EFR3B: variants seen among roughly 807,000 people sequenced by gnomAD.
The protein encoded by EFR3B is protein EFR3 homolog B.
A neutral mutation model predicts 104.7 loss-of-function variants in EFR3B; 64 were observed. The ratio of observed to expected loss-of-function variants is 0.61; its 90% CI spans 0.50 to 0.75. EFR3B has a LOEUF of 0.75. Among genes scored for constraint, EFR3B ranks in the 30% least tolerant of loss-of-function variants. The probability of loss-of-function intolerance (pLI) is 0.00; values close to 1 mark genes in which losing one functional copy is unlikely to be tolerated. For synonymous variants in EFR3B, 385 were observed against 417.9 expected, an observed-to-expected ratio of 0.92 and a Z score of 0.96; for missense variants, 750 against 1,078.5, an observed-to-expected ratio of 0.70 and a Z score of 4.27.
rs1161682604 is a variant in EFR3B, at chr2:25,151,755, C to G, written c.2192-159C>G. Among the ~76,000 whole-genome samples the G allele has an allele frequency of 3.3e-5, 5 of 152,202 alleles. No homozygotes were observed. The East Asian group carries it at 9.6e-4, about 29-fold the overall frequency. ...AGAATCAGGAAGAGGTCCCACCTTC[C>G]AGGGCCAAGTGAGGGCACCGCACCT... On this transcript the variant is annotated intron_variant, in intron 20 of 22. Transcript: ENST00000403714.
chr2:25,049,008 G>C (rs571099608), intron 1 of EFR3B, among the ~76,000 whole-genome samples: 88 of 152,142 alleles, frequency 5.8e-4, no homozygotes, highest in Non-Finnish European at 9.3e-4. Flanking sequence ...TCCTACTAGC[G>C]GAATTTTTCC....
chr2:25,072,379 C>A (rs534292961), intron 1 of EFR3B, among the ~76,000 whole-genome samples: 1 of 152,286 alleles, frequency 6.6e-6, no homozygotes, highest in South Asian at 2.1e-4. Context: ...CTCCCAGGTT[C>A]AAGTGATCCT....
chr2:25,131,609 C>A lies in EFR3B; in HGVS notation c.985+106C>A. 1 of 1,503,362 alleles carries A rather than the reference C, an allele frequency of 6.7e-7. No individual in the cohort carries two copies. Among genetic ancestry groups the A allele is most frequent in the Non-Finnish European group, 8.9e-7 (1 of 1,120,416 alleles). 93.1% of individuals were successfully genotyped at this position (1,503,362 alleles called of 1,614,324 possible). A position where few individuals can be genotyped will look rare whatever the true frequency, so the allele number is the denominator to read the frequency against. ...GGGAGGGGTCGGAGTCCGTTTTCCTCGGGAGAAGTCCGCCAGGAAGTTGGG... is the reference window on the plus strand; with the variant it reads ...GGGAGGGGTCGGAGTCCGTTTTCCTAGGGAGAAGTCCGCCAGGAAGTTGGG... On this transcript the variant is annotated intron_variant, in intron 9 of 22. Transcript: ENST00000403714. The surrounding 1 kb of genome is among the most constrained non-coding windows in gnomAD (Gnocchi z 7.6).
intron 5 of EFR3B, among the ~76,000 whole-genome samples, chr2:25,122,676 G>A (rs1670048277): frequency 6.6e-6 from 1 of 152,026 alleles, no homozygotes; most frequent in South Asian, 2.1e-4. Flanking sequence ...TCAAACCTTT[G>A]CTCAAATGTC....
chr2:25,128,409 G>C (rs1326222591), intron 6 of EFR3B, 77 bp downstream of exon 6: 4 of 1,529,532 alleles, frequency 2.6e-6, no homozygotes, highest in Admixed American at 2.0e-5. Flanking sequence ...CATGGTTTGG[G>C]TTGGTCAGTA....
At chr2:25,124,259 A>G (rs1670099467) in intron 5 of EFR3B, among the ~76,000 whole-genome samples, 1 of 144,248 alleles carries the variant, frequency 6.9e-6, no homozygotes, top group Non-Finnish European at 1.5e-5. Flanking sequence ...TGGGTCCAGC[A>G]GTGGGCCTGT....
Position 25,139,184 on chromosome 2 carries a change from C to A in EFR3B, c.1848C>A (p.Ile616=). The change falls in exon 16 of 23, where the codon ATC becomes ATA. Residue 616 remains isoleucine (I), a synonymous_variant. Coordinates refer to ENST00000403714, the MANE Select transcript of EFR3B (RefSeq NM_014971.2). ...CAGTGCCTGCCTTCTGCCAGCACATCCATGAGGTTGGTGTTCTCACGACCA... is the reference window on the plus strand; with the variant it reads ...CAGTGCCTGCCTTCTGCCAGCACATACATGAGGTTGGTGTTCTCACGACCA... ...LTTVPAFCQH[I]HEVIETRKKE... 1 of 1,551,210 alleles carries A rather than the reference C, an allele frequency of 6.4e-7. No homozygotes were observed. Among genetic ancestry groups the A allele is most frequent in the Non-Finnish European group, 8.7e-7 (1 of 1,146,868 alleles).
At position 25,129,829 on chromosome 2, in the gene EFR3B, AGCT is replaced by A. The variant is rs1000272034; in HGVS notation, c.636-144_636-142del. ...TCTTTACCCCCATTTAATTTCTGAC[AGCT>A]GTGACGCCTCCCCTATTGCCTAGTG... On this transcript the variant is annotated intron_variant, in intron 6 of 22. Transcript: ENST00000403714. The A allele has an allele frequency of 1.6e-5, 17 of 1,038,836 alleles. No individual in the cohort carries two copies. In the African/African-American group the frequency reaches 2.4e-4, roughly 15 times the overall value. The allele number at this position is 1,038,836 out of a possible 1,614,324, so 64.4% of individuals were successfully genotyped here. A position where few individuals can be genotyped will look rare whatever the true frequency, so the allele number is the denominator to read the frequency against.
intron 1 of EFR3B, among the ~76,000 whole-genome samples, chr2:25,088,862 A>C (rs377110566): frequency 1.4e-4 from 22 of 152,262 alleles, no homozygotes; most frequent in African/African-American, 3.6e-4. Context: ...AAGACAAGAA[A>C]GAAGTGTTGG....
At chr2:25,056,090 C>T (rs1389457602) in intron 1 of EFR3B, among the ~76,000 whole-genome samples, 1 of 152,224 alleles carries the variant, frequency 6.6e-6, no homozygotes, top group African/African-American at 2.4e-5. Flanking sequence ...TATCAATGAG[C>T]ATGGGCTAGG....
At chr2:25,044,642 CA>C (rs1199417760) in intron 1 of EFR3B, among the ~76,000 whole-genome samples, 4 of 152,130 alleles carry the variant, frequency 2.6e-5, no homozygotes, top group Admixed American at 1.3e-4. Context: ...AAAATACCAC[CA>C]GGGGTTTTAT....
chr2:25,103,834 G>T (rs769620841), intron 4 of EFR3B, 47 bp downstream of exon 4: 3 of 1,547,600 alleles, frequency 1.9e-6, no homozygotes, highest in South Asian at 1.2e-5. Context: ...CGCATCCTGG[G>T]GGGTGGCAGG....
rs1294866220 is a variant in EFR3B at position 25,143,715 on chromosome 2, C to A, written c.1923-20C>A. Reference sequence around the variant, plus strand: ...AGATACCGCGGTTCTAACGAACTTTCTCCCTCCTTCATCTTCCAGGCTGTC... The same window carrying A: ...AGATACCGCGGTTCTAACGAACTTTATCCCTCCTTCATCTTCCAGGCTGTC... On this transcript the variant is annotated intron_variant, in intron 17 of 22. Transcript: ENST00000403714. 3 of 1,551,052 alleles carry A rather than the reference C, an allele frequency of 1.9e-6. No homozygotes were observed. The highest frequency in any genetic ancestry group is 2.6e-6 in the Non-Finnish European group (3 of 1,146,700).
chr2:25,124,277 A>AGTGTGTGTGT (rs5829961), intron 5 of EFR3B, among the ~76,000 whole-genome samples: 117 of 124,888 alleles, frequency 9.4e-4, no homozygotes, highest in East Asian at 3.2e-3. Context: ...TGTGCATGCA[A>AGTGTGTGTGT]GTGTGTGTGT....
chr2:25,127,093 A>G (rs13011872), intron 5 of EFR3B, among the ~76,000 whole-genome samples: 52,637 of 150,280 alleles, frequency 0.35, 10,406 homozygotes, highest in East Asian at 0.53. Context: ...TCAGGAGGCC[A>G]AGGCAGAAGA....
rs1307978181 is a variant in EFR3B, at chr2:25,135,637, C to T, written c.1482C>T (p.Ile494=). ...GCAACCGCCACAAGTTCTCTACCAT[C>T]AGGTGAACTTGGGGTGTCTCCTCCA... ...RHGNRHKFST[I]STLSDISVLK... The change falls in exon 13 of 23, where the codon ATC becomes ATT. Residue 494 remains isoleucine, a splice_region_variant and synonymous_variant. Transcript: ENST00000403714. 1.3e-6 allele frequency: 2 copies of T among 1,552,068 alleles called. No individual in the cohort carries two copies. Among genetic ancestry groups the T allele is most frequent in the Non-Finnish European group, 1.7e-6 (2 of 1,147,104 alleles).
At chr2:25,073,623 T>C (rs10208077) in intron 1 of EFR3B, among the ~76,000 whole-genome samples, 1 of 152,082 alleles carries the variant, frequency 6.6e-6, no homozygotes, top group South Asian at 2.1e-4. Flanking sequence ...TCCCAAAGTG[T>C]TGGCATGAGC....
chr2:25,096,986 T>G (rs1243148091), intron 3 of EFR3B, among the ~76,000 whole-genome samples: 3 of 152,220 alleles, frequency 2.0e-5, no homozygotes, highest in African/African-American at 4.8e-5. Flanking sequence ...ATTAAGGGCC[T>G]TGACATATTG....
intron 13 of EFR3B, 143 bp downstream of exon 13, chr2:25,135,782 T>C (rs887467207): frequency 5.8e-6 from 6 of 1,041,884 alleles, no homozygotes; most frequent in Non-Finnish European, 8.2e-6. Context: ...ACAATTCAGA[T>C]ACTCAGTGAG....
Sources: allele counts gnomAD v4.1 joint callset (sites outside exome capture counted in the v4.1 genomes callset), GRCh38; gene constraint gnomAD v4.1.1; non-coding constraint Gnocchi (gnomAD v3.1); transcripts MANE v1.5; gene names NCBI Gene and HGNC (gene_info 2026-07-23, HGNC 2026-07-21).